Variants in CFAP299 observed in about 807,000 individuals in gnomAD.
CFAP299 encodes the protein cilia and flagella associated protein 299, also known as cilia- and flagella-associated protein 299.
CFAP299 carries 21 observed loss-of-function variants against 27.0 expected under a neutral mutation model. The observed-to-expected ratio is 0.78, with a 90% CI of 0.55 to 1.12. The LOEUF is 1.12. Ranked by LOEUF, CFAP299 falls within the 50% of genes most tolerant of loss-of-function variation. The pLI is 0.00. For missense variants in CFAP299, 310 were observed against 276.6 expected, an observed-to-expected ratio of 1.12 and a Z score of -0.86; for synonymous variants, 104 against 98.1, an observed-to-expected ratio of 1.06 and a Z score of -0.36.
chr4:80,812,752 A>G (rs1237497016), intron 3 of CFAP299, among the ~76,000 whole-genome samples: 1 of 152,134 alleles, frequency 6.6e-6, no homozygotes, highest in Non-Finnish European at 1.5e-5. Flanking sequence ...TCTACAGAGG[A>G]AATACTTTAG....
chr4:80,490,582 A>G (rs1731067330), intron 2 of CFAP299, among the ~76,000 whole-genome samples: 1 of 152,240 alleles, frequency 6.6e-6, no homozygotes, highest in Non-Finnish European at 1.5e-5. Flanking sequence ...AATAGGGTTT[A>G]CATCCTATTA....
At chr4:80,709,723 T>G (rs1722029154) in intron 3 of CFAP299, among the ~76,000 whole-genome samples, 1 of 152,188 alleles carries the variant, frequency 6.6e-6, no homozygotes. Flanking sequence ...TGCATAGGAA[T>G]TTTGATTTCG....
intron 3 of CFAP299, among the ~76,000 whole-genome samples, chr4:80,665,212 T>G (rs1741087234): frequency 6.6e-6 from 1 of 152,202 alleles, no homozygotes; most frequent in South Asian, 2.1e-4. Context: ...TTAATTTATT[T>G]TCTGTATATT....
At chr4:80,386,523 G>GA in intron 2 of CFAP299, 7 of 1,574,102 alleles carry the variant, frequency 4.4e-6, no homozygotes, top group African/African-American at 1.4e-5. Flanking sequence ...GGGGGGGGGG[G>GA]GTGCCGCCGG....
rs113746615 is a variant in CFAP299, at chr4:80,410,117, A to G, written c.242+47233A>G. 3.2e-3 allele frequency among the ~76,000 whole-genome samples: 484 copies of G among 152,332 alleles called. 1 individual carries two copies. Among genetic ancestry groups the G allele is most frequent in the South Asian group, 0.028 (133 of 4,828 alleles). ...CTTCAAGTATTTGAAAGGTTATTAT[A>G]GGGAAGATGCAGAACAGATGTTCTT... is the stretch of plus-strand genomic sequence containing the variant. On this transcript the variant is annotated intron_variant, in intron 2 of 5. Coordinates refer to ENST00000358105, the MANE Select transcript of CFAP299 (RefSeq NM_152770.3).
At chr4:80,443,222 G>GACA (rs1390262901) in intron 2 of CFAP299, among the ~76,000 whole-genome samples, 3 of 152,090 alleles carry the variant, frequency 2.0e-5, no homozygotes, top group Admixed American at 6.6e-5. Context: ...ACCTGGCAGA[G>GACA]ACAACAACAA....
At chr4:80,727,243 C>A (rs980306144) in intron 3 of CFAP299, among the ~76,000 whole-genome samples, 6 of 151,830 alleles carry the variant, frequency 4.0e-5, no homozygotes, top group African/African-American at 1.5e-4. Context: ...TCTATATGTT[C>A]CTCTTTTCCT....
intron 3 of CFAP299, among the ~76,000 whole-genome samples, chr4:80,656,329 CCCCATCAT>C (rs1414610839): frequency 1.3e-5 from 2 of 151,800 alleles, no homozygotes; most frequent in Non-Finnish European, 2.9e-5. Flanking sequence ...GCACCCATCA[CCCCATCAT>C]CTACACTAGG....
intron 4 of CFAP299, among the ~76,000 whole-genome samples, chr4:80,893,926 A>G (rs946130574): frequency 1.5e-4 from 23 of 152,100 alleles, no homozygotes; most frequent in Admixed American, 1.4e-3. Context: ...TAAAGACACA[A>G]TCTATGAAAT....
At chr4:80,835,405 T>C (rs891701843) in intron 3 of CFAP299, among the ~76,000 whole-genome samples, 38 of 151,980 alleles carry the variant, frequency 2.5e-4, no homozygotes, top group African/African-American at 9.2e-4. Flanking sequence ...CTTGTTAAAA[T>C]GCAGATTTTG....
intron 2 of CFAP299, among the ~76,000 whole-genome samples, chr4:80,420,514 C>T (rs1246022311): frequency 3.3e-5 from 5 of 152,246 alleles, no homozygotes; most frequent in East Asian, 3.9e-4. Flanking sequence ...TTCCTACATA[C>T]GGATTAGTGA....
At chr4:80,901,820 A>G (rs749800674) in intron 4 of CFAP299, among the ~76,000 whole-genome samples, 7 of 152,152 alleles carry the variant, frequency 4.6e-5, no homozygotes, top group Non-Finnish European at 8.8e-5. Context: ...ATTTCCAAAC[A>G]GAACTCTAAA....
At chr4:80,602,225 A>T (rs1232695738) in intron 3 of CFAP299, among the ~76,000 whole-genome samples, 1 of 152,108 alleles carries the variant, frequency 6.6e-6, no homozygotes, top group Non-Finnish European at 1.5e-5. Flanking sequence ...AAAAGTTAAA[A>T]AAAAAAATTC....
chr4:80,943,948 C>CCCAGCT (rs1737335639), intron 4 of CFAP299, among the ~76,000 whole-genome samples: 1 of 152,040 alleles, frequency 6.6e-6, no homozygotes, highest in Admixed American at 6.6e-5. Flanking sequence ...CACCTGTAGT[C>CCCAGCT]CCAGCTACTT....
intron 3 of CFAP299, among the ~76,000 whole-genome samples, chr4:80,711,185 G>A (rs13113991): frequency 1.3e-5 from 2 of 152,196 alleles, no homozygotes; most frequent in Non-Finnish European, 2.9e-5. Flanking sequence ...CATGCCCAGA[G>A]AGAGAAAGAG....
intron 2 of CFAP299, among the ~76,000 whole-genome samples, chr4:80,507,800 G>A (rs1439778270): frequency 6.6e-6 from 1 of 152,098 alleles, no homozygotes; most frequent in Non-Finnish European, 1.5e-5. Context: ...GGGGAGAGAT[G>A]CTTGGGTCCT....
intron 3 of CFAP299, among the ~76,000 whole-genome samples, chr4:80,662,925 C>T (rs1560684739): frequency 6.6e-6 from 1 of 151,566 alleles, no homozygotes; most frequent in African/African-American, 2.4e-5. Context: ...ATGAGATTAG[C>T]AAATTTTAGG....
chr4:80,532,896 C>A (rs745833753), intron 2 of CFAP299, among the ~76,000 whole-genome samples: 1 of 152,204 alleles, frequency 6.6e-6, no homozygotes, highest in Non-Finnish European at 1.5e-5. Flanking sequence ...AAAGGACCTC[C>A]CACAAAGGGA....
intron 3 of CFAP299, among the ~76,000 whole-genome samples, chr4:80,614,973 C>T (rs191935245): frequency 9.7e-4 from 147 of 152,050 alleles, no homozygotes; most frequent in Non-Finnish European, 1.6e-3. Flanking sequence ...TTCACAGATA[C>T]ACTTAAATGT....
Sources: gnomAD v4.1 joint callset for allele counts (sites outside exome capture counted in the v4.1 genomes callset) on GRCh38, gnomAD v4.1.1 for gene constraint, MANE v1.5 for transcripts, NCBI Gene and HGNC (gene_info 2026-07-23, HGNC 2026-07-21) for gene names.